The following SMNDC1 variants were observed in gnomAD, a reference collection of about 807,000 sequenced individuals.
SMNDC1 encodes survival motor neuron domain containing 1.
In SMNDC1, 5 loss-of-function variants were observed where a neutral mutation model predicts 29.2. The ratio of observed to expected loss-of-function variants is 0.17; its 90% CI spans 0.09 to 0.36. The LOEUF (loss-of-function observed/expected upper bound fraction) is 0.36. SMNDC1 is among the 10% of genes least tolerant of loss of function. SMNDC1 has a pLI of 1.00. For synonymous variants in SMNDC1, 80 were observed against 89.9 expected (o/e 0.89, Z 0.62); for missense variants, 142 against 268.5 (o/e 0.53, Z 3.29).
At chr10:110,295,704 C>A (rs1157045934) in intron 4 of SMNDC1, among the ~76,000 whole-genome samples, 3 of 150,656 alleles carry the variant, frequency 2.0e-5, no homozygotes, top group South Asian at 2.1e-4. Flanking sequence ...TACAGTGGCA[C>A]AATCTTGGCT....
rs1350169556 is a variant in SMNDC1, at chr10:110,291,158, T to TC, written c.*2991_*2992insG. 6.6e-6 allele frequency: 1 copy of TC among 152,236 alleles called. No homozygotes were observed. The highest frequency in any genetic ancestry group is 1.5e-5 in the Non-Finnish European group (1 of 68,040). The allele number at this position is 152,236 out of a possible 1,614,324, so 9.4% of individuals were successfully genotyped here. On this transcript the variant is annotated 3_prime_UTR_variant, in exon 6 of 6. Transcript: ENST00000369603. ...ATTTCCAAAGTCAAACTTTTATAGT[T>TC]AACAGTTCTCAGACGGGGATGCACA...
chr10:110,300,173 G>A (rs1296248147), intron 2 of SMNDC1, among the ~76,000 whole-genome samples: 1 of 152,198 alleles, frequency 6.6e-6, no homozygotes, highest in African/African-American at 2.4e-5. Context: ...AATACTTCCA[G>A]ATCCACCTAG....
chr10:110,299,958 G>A (rs1487916313), intron 2 of SMNDC1, among the ~76,000 whole-genome samples: 3 of 152,144 alleles, frequency 2.0e-5, no homozygotes, highest in African/African-American at 7.2e-5. Context: ...ATATCTCTAA[G>A]TTTTATTAGT....
chr10:110,298,758 T>C lies in SMNDC1; in HGVS notation c.153A>G (p.Ser51=). 1 of 1,613,776 alleles carries C rather than the reference T, an allele frequency of 6.2e-7. No individual in the cohort carries two copies. The highest frequency in any genetic ancestry group is 8.5e-7 in the Non-Finnish European group (1 of 1,179,798). ...TTGCAAGCGTCTCAGAAGGTTGAGT[T>C]GACAGAAGGTCTTTGGTTAGTTCTA... ...EVIELTKDLL[S]TQPSETLASS... The change falls in exon 3 of 6, where the codon TCA becomes TCG. Residue 51 remains serine (S), a synonymous_variant. Transcript: ENST00000369603.
chr10:110,291,462 T>C lies in SMNDC1; in HGVS notation c.*2688A>G, dbSNP rs1857498450. On this transcript the variant is annotated 3_prime_UTR_variant, in exon 6 of 6. Transcript: ENST00000369603. Reference sequence around the variant, plus strand: ...GCCTCAAATCATAAACAATGGGTATTGTTATCCATTGTAATGTGGATTGCT... The same window carrying C: ...GCCTCAAATCATAAACAATGGGTATCGTTATCCATTGTAATGTGGATTGCT... The C allele has an allele frequency of 6.6e-6, 1 of 152,218 alleles. No homozygotes were observed. Among genetic ancestry groups the C allele is most frequent in the African/African-American group, 2.4e-5 (1 of 41,460 alleles). The allele number at this position is 152,218 out of a possible 1,614,324, so 9.4% of individuals were successfully genotyped here. A position where few individuals can be genotyped will look rare whatever the true frequency, so the allele number is the denominator to read the frequency against.
At chr10:110,296,928 A>C (rs1254500785) in intron 4 of SMNDC1, among the ~76,000 whole-genome samples, 1 of 152,244 alleles carries the variant, frequency 6.6e-6, no homozygotes, top group African/African-American at 2.4e-5. Context: ...TTATCGTTTG[A>C]ATCCTCACAA....
intron 2 of SMNDC1, among the ~76,000 whole-genome samples, chr10:110,302,428 C>A (rs1172213603): frequency 1.3e-5 from 2 of 152,172 alleles, no homozygotes; most frequent in African/African-American, 4.8e-5. Context: ...AAATGTAGAA[C>A]TTGAAAGTAT....
chr10:110,296,714 C>T (rs1243112001), intron 4 of SMNDC1, among the ~76,000 whole-genome samples: 1 of 152,146 alleles, frequency 6.6e-6, no homozygotes, highest in Non-Finnish European at 1.5e-5. Flanking sequence ...ATCATATCCC[C>T]TCTACTTAAA....
intron 1 of SMNDC1, chr10:110,303,819 A>G: frequency 2.3e-6 from 1 of 444,266 alleles, no homozygotes; most frequent in South Asian, 3.9e-5. Flanking sequence ...ATACTTTAAA[A>G]AAGCATACAG....
chr10:110,302,536 T>C (rs1313769652), intron 2 of SMNDC1, among the ~76,000 whole-genome samples: 1 of 152,110 alleles, frequency 6.6e-6, no homozygotes, highest in Non-Finnish European at 1.5e-5. Context: ...ATCCCTAAAA[T>C]AGTAATAGTT....
rs551827357 is a variant in SMNDC1 at position 110,291,734 on chromosome 10, C to T, written c.*2416G>A. The T allele has an allele frequency of 3.9e-5, 6 of 152,268 alleles. No homozygotes were observed. The highest frequency in any genetic ancestry group is 2.6e-4 in the Admixed American group (4 of 15,292). The allele number at this position is 152,268 out of a possible 1,614,324, so 9.4% of individuals were successfully genotyped here. ...ACAAACACTAGTCTGGCTCTAGAGTCCTTGCTGTTTTCCAGTATGCTCTGT... is the reference window on the plus strand; with the variant it reads ...ACAAACACTAGTCTGGCTCTAGAGTTCTTGCTGTTTTCCAGTATGCTCTGT... On this transcript the variant is annotated 3_prime_UTR_variant, in exon 6 of 6. Transcript: ENST00000369603.
intron 2 of SMNDC1, among the ~76,000 whole-genome samples, chr10:110,302,216 G>C (rs904447931): frequency 6.6e-6 from 1 of 152,184 alleles, no homozygotes; most frequent in Non-Finnish European, 1.5e-5. Flanking sequence ...CAAATGGACA[G>C]GTGGCAAACC....
chr10:110,300,842 G>T, intron 2 of SMNDC1: 1 of 387,754 alleles, frequency 2.6e-6, no homozygotes, highest in Non-Finnish European at 3.5e-6. Context: ...TAGACTGCCC[G>T]GGGAGCTAGT....
Position 110,292,679 on chromosome 10 carries a change from GAAGA to G in SMNDC1, c.*1467_*1470del, listed in dbSNP as rs1276307583. The G allele has an allele frequency of 6.6e-6, 1 of 152,066 alleles. No homozygotes were observed. The highest frequency in any genetic ancestry group is 1.5e-5 in the Non-Finnish European group (1 of 68,000). 9.4% of individuals were successfully genotyped at this position (152,066 alleles called of 1,614,324 possible). A position where few individuals can be genotyped will look rare whatever the true frequency, so the allele number is the denominator to read the frequency against. Reference sequence around the variant, plus strand: ...CCTACCCTGTGGCCACGAATTATATGAAGAAAAAGTGACCCTCCTGGGTTGAGAG... The same window carrying G: ...CCTACCCTGTGGCCACGAATTATATGAAAAGTGACCCTCCTGGGTTGAGAG... On this transcript the variant is annotated 3_prime_UTR_variant, in exon 6 of 6. Coordinates refer to ENST00000369603, the MANE Select transcript of SMNDC1 (RefSeq NM_005871.4).
In SMNDC1 at chr10:110,297,697, C is replaced by T; in HGVS notation, c.295G>A (p.Glu99Lys). 1.2e-6 allele frequency: 2 copies of T among 1,613,948 alleles called. No individual in the cohort carries two copies. Among genetic ancestry groups the T allele is most frequent in the Non-Finnish European group, 8.5e-7 (1 of 1,179,926 alleles). The change falls in exon 4 of 6, where the codon GAA becomes AAA. Residue 99 changes from glutamate (E) to lysine (K), a missense_variant. Physicochemically the swap from Glu to Lys is moderately conservative, Grantham distance 56 (BLOSUM62 1). This residue lies in a region of SMNDC1 where 65 missense variants were observed against 75.9 expected (regional missense o/e 0.86). Transcript: ENST00000369603. ...CYEAEIEEID[E>K]ENGTAAITFA... The stretch of plus-strand genomic sequence containing the variant: ...GTGATTGCAGCGGTGCCATTTTCTT[C>T]ATCTATCTCCTCAATCTCCGCTTCA...
rs996962418 is a variant in SMNDC1, at chr10:110,291,303, T to C, written c.*2847A>G. The C allele has an allele frequency of 1.3e-5, 2 of 152,232 alleles. No individual in the cohort carries two copies. The highest frequency in any genetic ancestry group is 4.8e-5 in the African/African-American group (2 of 41,452). 9.4% of individuals were successfully genotyped at this position (152,232 alleles called of 1,614,324 possible). A position where few individuals can be genotyped will look rare whatever the true frequency, so the allele number is the denominator to read the frequency against. Reference sequence around the variant, plus strand: ...CAAGCATTAGGGGTGACTTTTATTATAACCTTCACCCCCTTCCCATTAAGA... The same window carrying C: ...CAAGCATTAGGGGTGACTTTTATTACAACCTTCACCCCCTTCCCATTAAGA... On this transcript the variant is annotated 3_prime_UTR_variant, in exon 6 of 6. Coordinates refer to ENST00000369603, the MANE Select transcript of SMNDC1 (RefSeq NM_005871.4).
intron 2 of SMNDC1, among the ~76,000 whole-genome samples, chr10:110,300,942 A>G (rs1233578167): frequency 6.6e-6 from 1 of 152,260 alleles, no homozygotes; most frequent in Non-Finnish European, 1.5e-5. Flanking sequence ...TGCCTGCTGA[A>G]TAACTTTAGT....
rs376091329 is a variant in SMNDC1 at position 110,298,761 on chromosome 10, C to T, written c.150G>A (p.Leu50=). 1.2e-6 allele frequency: 2 copies of T among 1,613,452 alleles called. No individual in the cohort carries two copies. The highest frequency in any genetic ancestry group is 2.7e-5 in the African/African-American group (2 of 74,878). The change falls in exon 3 of 6, where the codon CTG becomes CTA. Residue 50 remains leucine (L), a synonymous_variant. Coordinates refer to ENST00000369603, the MANE Select transcript of SMNDC1 (RefSeq NM_005871.4). ...CAAGCGTCTCAGAAGGTTGAGTTGA[C>T]AGAAGGTCTTTGGTTAGTTCTATAA... ...QEVIELTKDL[L]STQPSETLAS...
chr10:110,303,420 A>G (rs555451469), intron 2 of SMNDC1, 48 bp downstream of exon 2: 1 of 1,523,882 alleles, frequency 6.6e-7, no homozygotes, highest in East Asian at 2.4e-5. Context: ...GGATTCAAGC[A>G]ATAATTTGAA....
Sources: allele counts gnomAD v4.1 joint callset (sites outside exome capture counted in the v4.1 genomes callset), GRCh38; gene constraint gnomAD v4.1.1; regional missense constraint gnomAD v4.1.1; transcripts MANE v1.5; gene names NCBI Gene and HGNC (gene_info 2026-07-23, HGNC 2026-07-21).